CADM2: variants seen among roughly 807,000 people sequenced by gnomAD.
The protein encoded by CADM2 is immunoglobulin superfamily member 4D.
CADM2 carries 12 observed loss-of-function variants against 49.8 expected under a neutral mutation model. That is an observed-to-expected ratio of 0.24 (90% CI 0.15 to 0.39). The LOEUF (loss-of-function observed/expected upper bound fraction) is 0.39, where lower values mean the gene tolerates loss of function less well. CADM2 is among the 10% of genes least tolerant of loss of function. The pLI, the probability that CADM2 is intolerant of heterozygous loss-of-function variation, is 1.00. For missense variants in CADM2, 378 were observed against 492.3 expected, an observed-to-expected ratio of 0.77 and a Z score of 2.20; for synonymous variants, 214 against 175.4, an observed-to-expected ratio of 1.22 and a Z score of -1.74.
chr3:85,969,563 C>A (rs1039504965), intron 8 of CADM2, among the ~76,000 whole-genome samples: 1 of 151,042 alleles, frequency 6.6e-6, no homozygotes, highest in Non-Finnish European at 1.5e-5. Flanking sequence ...CTCTACAAGA[C>A]ATATATCATT....
chr3:84,993,910 C>A (rs2033033485), intron 1 of CADM2, among the ~76,000 whole-genome samples: 1 of 152,106 alleles, frequency 6.6e-6, no homozygotes, highest in African/African-American at 2.4e-5. Flanking sequence ...TGTTAAAATT[C>A]TATTTCATTA....
chr3:84,998,189 G>C (rs1000878109), intron 1 of CADM2, among the ~76,000 whole-genome samples: 7 of 152,098 alleles, frequency 4.6e-5, no homozygotes, highest in African/African-American at 1.7e-4. Context: ...ATGAGGCTCA[G>C]ATAATCAAAT....
At chr3:85,098,961 T>G (rs2037909795) in intron 1 of CADM2, among the ~76,000 whole-genome samples, 2 of 152,224 alleles carry the variant, frequency 1.3e-5, no homozygotes, top group African/African-American at 4.8e-5. Flanking sequence ...ATTGACAAAC[T>G]TTTCATTTTA....
chr3:85,514,262 G>A (rs560857326), intron 1 of CADM2, among the ~76,000 whole-genome samples: 126 of 152,044 alleles, frequency 8.3e-4, no homozygotes, highest in Non-Finnish European at 1.5e-3. Flanking sequence ...AATAATACCT[G>A]GAGACAGACA....
intron 1 of CADM2, among the ~76,000 whole-genome samples, chr3:85,102,410 G>T (rs1324766035): frequency 6.6e-6 from 1 of 152,104 alleles, no homozygotes; most frequent in African/African-American, 2.4e-5. Flanking sequence ...AGAGAGTATA[G>T]AAAAAGATTT....
chr3:85,811,573 G>A (rs1417000991), intron 3 of CADM2, among the ~76,000 whole-genome samples: 1 of 152,104 alleles, frequency 6.6e-6, no homozygotes, highest in Non-Finnish European at 1.5e-5. Flanking sequence ...GAAAATTTGG[G>A]TTCCATTATC....
chr3:85,586,747 A>C (rs572823210), intron 1 of CADM2, among the ~76,000 whole-genome samples: 1 of 152,246 alleles, frequency 6.6e-6, no homozygotes, highest in African/African-American at 2.4e-5. Flanking sequence ...AACTTCAATA[A>C]GTAGCATCTT....
intron 8 of CADM2, among the ~76,000 whole-genome samples, chr3:86,002,812 A>G (rs1211035280): frequency 1.3e-5 from 2 of 152,128 alleles, no homozygotes; most frequent in East Asian, 3.9e-4. Flanking sequence ...GTGTCCATGA[A>G]ATTTTATGGA....
intron 1 of CADM2, among the ~76,000 whole-genome samples, chr3:85,417,553 G>T (rs72907213): frequency 0.042 from 6,445 of 152,250 alleles, 465 homozygotes; most frequent in African/African-American, 0.15. Context: ...CTAGCTTTTA[G>T]ATTAGTTAGC....
intron 1 of CADM2, among the ~76,000 whole-genome samples, chr3:84,961,736 A>G (rs1010863734): frequency 5.9e-5 from 9 of 151,968 alleles, no homozygotes; most frequent in African/African-American, 2.2e-4. Flanking sequence ...CGCTAGATGT[A>G]TTTTCCCTGC....
chr3:85,523,609 C>T (rs527301010), intron 1 of CADM2, among the ~76,000 whole-genome samples: 21 of 151,818 alleles, frequency 1.4e-4, no homozygotes, highest in African/African-American at 4.1e-4. Flanking sequence ...GCTTCAATTA[C>T]AACAATCCTC....
intron 1 of CADM2, among the ~76,000 whole-genome samples, chr3:85,418,310 T>A (rs1163851340): frequency 6.6e-6 from 1 of 152,122 alleles, no homozygotes; most frequent in Non-Finnish European, 1.5e-5. Context: ...AATATATCAA[T>A]TTTGGTCCCT....
At chr3:84,986,683 G>A (rs1173718668) in intron 1 of CADM2, among the ~76,000 whole-genome samples, 1 of 151,624 alleles carries the variant, frequency 6.6e-6, no homozygotes, top group Non-Finnish European at 1.5e-5. Flanking sequence ...CAGCACACCA[G>A]CATGGCACAT....
intron 3 of CADM2, among the ~76,000 whole-genome samples, chr3:85,807,708 C>T (rs1034117604): frequency 2.6e-5 from 4 of 152,020 alleles, no homozygotes; most frequent in Admixed American, 2.0e-4. Context: ...ATTTCAAGTA[C>T]TCAATATCCT....
intron 1 of CADM2, among the ~76,000 whole-genome samples, chr3:85,553,786 C>T (rs182612989): frequency 1.4e-4 from 22 of 152,232 alleles, no homozygotes; most frequent in African/African-American, 5.3e-4. Context: ...TAAGATTAGA[C>T]TTAAGAAAAG....
intron 6 of CADM2, among the ~76,000 whole-genome samples, chr3:85,930,871 A>G (rs1720498729): frequency 6.6e-6 from 1 of 150,584 alleles, no homozygotes; most frequent in African/African-American, 2.4e-5. Flanking sequence ...TTGCAACTTA[A>G]ATATTTAAGA....
At chr3:85,696,897 A>G (rs1011139802) in intron 1 of CADM2, among the ~76,000 whole-genome samples, 6 of 151,736 alleles carry the variant, frequency 4.0e-5, no homozygotes, top group African/African-American at 1.4e-4. Flanking sequence ...ATCAAATTCT[A>G]AAAACTAAGA....
chr3:85,538,294 G>A (rs1349799098), intron 1 of CADM2, among the ~76,000 whole-genome samples: 1 of 152,052 alleles, frequency 6.6e-6, no homozygotes, highest in Admixed American at 6.6e-5. Context: ...CCACTTTCAT[G>A]ACCATAGTTC....
At chr3:85,860,009 T>G (rs1048082129) in intron 3 of CADM2, among the ~76,000 whole-genome samples, 2 of 152,222 alleles carry the variant, frequency 1.3e-5, no homozygotes, top group African/African-American at 4.8e-5. Context: ...AACCTATTCT[T>G]ATTTTTGTTA....
Sources: gnomAD v4.1 joint callset for allele counts (sites outside exome capture counted in the v4.1 genomes callset) on GRCh38, gnomAD v4.1.1 for gene constraint, MANE v1.5 for transcripts, NCBI Gene and HGNC (gene_info 2026-07-23, HGNC 2026-07-21) for gene names.